The following ZNHIT6 variants were observed in gnomAD, a reference collection of about 807,000 sequenced individuals.
ZNHIT6 encodes zinc finger HIT-type containing 6.
In ZNHIT6, 45 loss-of-function variants were observed where a neutral mutation model predicts 57.2. The ratio of observed to expected loss-of-function variants is 0.79; its 90% CI spans 0.62 to 1.01. The LOEUF is 1.01. Among genes scored for constraint, ZNHIT6 ranks in the 50% least tolerant of loss-of-function variants. The probability of loss-of-function intolerance (pLI) is 0.00; values close to 1 mark genes in which losing one functional copy is unlikely to be tolerated. For missense variants in ZNHIT6, 528 were observed against 567.3 expected, an observed-to-expected ratio of 0.93 and a Z score of 0.70; for synonymous variants, 188 against 190.0, an observed-to-expected ratio of 0.99 and a Z score of 0.09.
chr1:85,680,067 G>A (rs751530528), intron 6 of ZNHIT6, among the ~76,000 whole-genome samples: 3 of 152,048 alleles, frequency 2.0e-5, no homozygotes, highest in South Asian at 2.1e-4. Flanking sequence ...TTAGCTGGGC[G>A]TGATGGCCTG....
At chr1:85,697,968 G>C (rs1248102393) in intron 5 of ZNHIT6, among the ~76,000 whole-genome samples, 1 of 152,098 alleles carries the variant, frequency 6.6e-6, no homozygotes, top group Non-Finnish European at 1.5e-5. Context: ...AAAGAGGTGA[G>C]GTAAAGGAAT....
intron 8 of ZNHIT6, among the ~76,000 whole-genome samples, chr1:85,666,141 G>A (rs1334319737): frequency 2.0e-5 from 3 of 152,188 alleles, no homozygotes; most frequent in Non-Finnish European, 2.9e-5. Context: ...TACTAGAGGT[G>A]AAAGGACAGA....
At chr1:85,664,010 T>C (rs1385874875) in intron 8 of ZNHIT6, among the ~76,000 whole-genome samples, 1 of 152,196 alleles carries the variant, frequency 6.6e-6, no homozygotes, top group African/African-American at 2.4e-5. Flanking sequence ...CCTTGGAAAA[T>C]CTGACGATTA....
intron 4 of ZNHIT6, 37 bp downstream of exon 4, chr1:85,706,041 G>A: frequency 5.4e-6 from 8 of 1,471,458 alleles, no homozygotes; most frequent in South Asian, 1.2e-5. Context: ...TTGATTTGAA[G>A]GACTTCTAAC....
rs1570274446 is a variant in ZNHIT6 at position 85,652,153 on chromosome 1, C to T, written c.*1905G>A. 1 of 152,112 alleles carries T rather than the reference C, an allele frequency of 6.6e-6. No homozygotes were observed. Among genetic ancestry groups the T allele is most frequent in the East Asian group, 1.9e-4 (1 of 5,196 alleles). The allele number at this position is 152,112 out of a possible 1,614,324, so 9.4% of individuals were successfully genotyped here. ...TAAATTCAGAAGGGGGGATGGAACT[C>T]AAGACTTTTCTTGGAAATGAGACTA... On this transcript the variant is annotated 3_prime_UTR_variant, in exon 10 of 10. Transcript: ENST00000370574.
intron 5 of ZNHIT6, among the ~76,000 whole-genome samples, chr1:85,695,749 G>A (rs147918667): frequency 9.9e-5 from 15 of 152,254 alleles, no homozygotes. Context: ...AAAACAACAT[G>A]GTTCAGGCCG....
intron 9 of ZNHIT6, among the ~76,000 whole-genome samples, chr1:85,654,760 G>A (rs1000698620): frequency 6.6e-5 from 10 of 152,134 alleles, no homozygotes; most frequent in African/African-American, 2.4e-4. Flanking sequence ...AATGGGAACC[G>A]GAGTAAGTGT....
chr1:85,671,534 C>T (rs781757930), intron 8 of ZNHIT6, among the ~76,000 whole-genome samples: 3 of 151,876 alleles, frequency 2.0e-5, no homozygotes, highest in Admixed American at 1.3e-4. Context: ...AAGTAATACA[C>T]GATACAGTTA....
chr1:85,659,207 T>C (rs1224181359), intron 8 of ZNHIT6, among the ~76,000 whole-genome samples: 9 of 152,148 alleles, frequency 5.9e-5, no homozygotes, highest in African/African-American at 9.7e-5. Flanking sequence ...AATTCTCAAA[T>C]CATTACTTTA....
At chr1:85,682,857 T>A (rs1395798006) in intron 5 of ZNHIT6, among the ~76,000 whole-genome samples, 1 of 152,200 alleles carries the variant, frequency 6.6e-6, no homozygotes, top group African/African-American at 2.4e-5. Context: ...TTGATAACAG[T>A]AGATGATTCT....
intron 8 of ZNHIT6, among the ~76,000 whole-genome samples, chr1:85,660,358 G>A (rs1661191653): frequency 1.3e-5 from 2 of 152,032 alleles, no homozygotes; most frequent in South Asian, 4.1e-4. Context: ...TCAAATAAGG[G>A]AATGTTTTTT....
rs367708873 is a variant in ZNHIT6 at position 85,707,674 on chromosome 1, G to A, written c.611C>T (p.Pro204Leu). Residue 204 changes from proline (P) to leucine (L), a missense_variant, in exon 1 of 10, where the codon CCG becomes CTG. Coordinates refer to ENST00000370574, the MANE Select transcript of ZNHIT6 (RefSeq NM_017953.4). ...CTTGCAGCCCACCGGGTGATTTATC[G>A]GAGGCTCTTCTTTCACCTTTGTATC... ...VDDTKVKEEP[P>L]INHPVGCKRK... 30 of 1,570,996 alleles carry A rather than the reference G, an allele frequency of 1.9e-5. No homozygotes were observed. The African/African-American group carries it at 3.4e-4, about 18-fold the overall frequency.
At chr1:85,672,392 A>G (rs1400209384) in intron 8 of ZNHIT6, among the ~76,000 whole-genome samples, 1 of 152,204 alleles carries the variant, frequency 6.6e-6, no homozygotes, top group Non-Finnish European at 1.5e-5. Flanking sequence ...CTTTTAAAAA[A>G]AAGTTTAAAA....
In ZNHIT6 at chr1:85,706,231, A is replaced by G; in HGVS notation, c.829+18T>C. The G allele has an allele frequency of 6.2e-7, 1 of 1,609,802 alleles. No homozygotes were observed. Among genetic ancestry groups the G allele is most frequent in the Non-Finnish European group, 8.5e-7 (1 of 1,177,056 alleles). ...AATGGCCAGGAAGCCTCAATTTGCT[A>G]TGCATAAAGTGGCTTACCACTTAGG... On this transcript the variant is annotated intron_variant, in intron 3 of 9. Transcript: ENST00000370574.
chr1:85,696,513 G>A (rs1557869784), intron 5 of ZNHIT6, among the ~76,000 whole-genome samples: 1 of 151,954 alleles, frequency 6.6e-6, no homozygotes. Flanking sequence ...CTTTAGGTTG[G>A]TGCCAGTTTT....
At chr1:85,654,316 T>A (rs1204809571) in intron 9 of ZNHIT6, among the ~76,000 whole-genome samples, 1 of 152,296 alleles carries the variant, frequency 6.6e-6, no homozygotes, top group Middle Eastern at 3.4e-3. Context: ...TGAGGTAACA[T>A]CCTTCCTGAC....
Position 85,678,926 on chromosome 1 carries a change from A to G in ZNHIT6, c.1089-145T>C, listed in dbSNP as rs563812038. The G allele has an allele frequency of 3.5e-4, 173 of 493,156 alleles. 3 individuals carry two copies. The South Asian group carries it at 5.7e-3, about 16-fold the overall frequency. The allele number at this position is 493,156 out of a possible 1,614,324, so 30.5% of individuals were successfully genotyped here. A position where few individuals can be genotyped will look rare whatever the true frequency, so the allele number is the denominator to read the frequency against. ...TTTATATTACTCTTGGCAAAATAAA[A>G]TATCATTTTAAGCAAAAATTACTTA... is the stretch of plus-strand genomic sequence containing the variant. On this transcript the variant is annotated intron_variant, in intron 6 of 9. Coordinates refer to ENST00000370574, the MANE Select transcript of ZNHIT6 (RefSeq NM_017953.4).
chr1:85,667,195 T>C (rs887616726), intron 8 of ZNHIT6, among the ~76,000 whole-genome samples: 3 of 152,160 alleles, frequency 2.0e-5, no homozygotes, highest in African/African-American at 7.2e-5. Context: ...GTCATACAGC[T>C]GTAGACGGGC....
intron 5 of ZNHIT6, among the ~76,000 whole-genome samples, chr1:85,690,526 A>T (rs905101441): frequency 6.6e-6 from 1 of 152,120 alleles, no homozygotes; most frequent in Non-Finnish European, 1.5e-5. Context: ...TTCCCTCGAA[A>T]GGCTGGGGCA....
Sources: allele counts gnomAD v4.1 joint callset (sites outside exome capture counted in the v4.1 genomes callset), GRCh38; gene constraint gnomAD v4.1.1; transcripts MANE v1.5; gene names NCBI Gene and HGNC (gene_info 2026-07-23, HGNC 2026-07-21).